Variants in SP110 observed in about 807,000 individuals in gnomAD.
SP110 encodes SP110 nuclear body protein.
Under a neutral mutation model 92.7 loss-of-function variants are expected in SP110, and 62 were observed. That is an observed-to-expected ratio of 0.67 (90% CI 0.55 to 0.83). The LOEUF is 0.83. Ranked by LOEUF, SP110 falls within the 40% of genes least tolerant of loss-of-function variation. The probability of loss-of-function intolerance (pLI) is 0.00; values close to 1 mark genes in which losing one functional copy is unlikely to be tolerated. For missense variants in SP110, 793 were observed against 863.9 expected (o/e 0.92, Z 1.03); for synonymous variants, 273 against 305.3 (o/e 0.89, Z 1.10).
At position 230,190,388 on chromosome 2, in the gene SP110, T is replaced by C. The variant is rs568333668; in HGVS notation, c.1130-4245A>G. ...AGTGTCTGTTCATATCCTTTGCCCA[T>C]TTTTTGATGGAGTTGTTTGTTTTTT... is the stretch of plus-strand genomic sequence containing the variant. On this transcript the variant is annotated intron_variant, in intron 10 of 18. Coordinates refer to ENST00000258381, the MANE Select transcript of SP110 (RefSeq NM_080424.4). Among the ~76,000 whole-genome samples the C allele has an allele frequency of 1.7e-3, 261 of 152,158 alleles. 1 individual carries two copies. Among genetic ancestry groups the C allele is most frequent in the Non-Finnish European group, 2.8e-3 (187 of 67,956 alleles).
intron 18 of SP110, among the ~76,000 whole-genome samples, 155 bp from the exon 19 acceptor site, chr2:230,169,392 T>C (rs956959079): frequency 6.6e-6 from 1 of 152,202 alleles, no homozygotes; most frequent in Non-Finnish European, 1.5e-5. Context: ...CACTGCAGCC[T>C]TGAATTCCTG....
intron 10 of SP110, among the ~76,000 whole-genome samples, chr2:230,193,687 A>G (rs2042738357): frequency 6.6e-6 from 1 of 152,194 alleles, no homozygotes; most frequent in African/African-American, 2.4e-5. Flanking sequence ...TAAGACTCCA[A>G]TCCCTTCCAG....
chr2:230,195,129 C>A (rs1232462933), intron 10 of SP110, among the ~76,000 whole-genome samples: 2 of 151,922 alleles, frequency 1.3e-5, no homozygotes, highest in Admixed American at 6.6e-5. Context: ...AAACCCACAT[C>A]TTTTATGGCT....
chr2:230,173,062 A>G (rs1029099721), intron 14 of SP110, 103 bp from the exon 15 acceptor site: 6 of 796,506 alleles, frequency 7.5e-6, no homozygotes, highest in Non-Finnish European at 8.7e-6. Flanking sequence ...GCCAGAGTGG[A>G]TATCCAAACC....
rs201134486 is a variant in SP110 at position 230,200,747 on chromosome 2, G to GA, written c.1129+137dup. 599 of 707,634 alleles carry GA rather than the reference G, an allele frequency of 8.5e-4. 5 individuals are homozygous for GA. In the East Asian group the frequency reaches 9.9e-3, roughly 12 times the overall value. 43.8% of individuals were successfully genotyped at this position (707,634 alleles called of 1,614,324 possible). On this transcript the variant is annotated intron_variant, in intron 10 of 18. Transcript: ENST00000258381. ...ATATCATGGGAAGGGTCTTGATTAA[G>GA]AAAAAAAAATCCAGAAGGGCTCTCT... is the stretch of plus-strand genomic sequence containing the variant.
chr2:230,194,348 C>T lies in SP110; in HGVS notation c.1129+6537G>A, dbSNP rs547946490. Among the ~76,000 whole-genome samples the T allele has an allele frequency of 1.5e-3, 226 of 151,854 alleles. 1 individual carries two copies. Among genetic ancestry groups the T allele is most frequent in the Non-Finnish European group, 2.5e-3 (170 of 67,952 alleles). ...AGGTGCAGGGGCTCACACCTGTATC[C>T]GAGAACTTTGGGAGGCTAGGGCAAG... On this transcript the variant is annotated intron_variant, in intron 10 of 18. Coordinates refer to ENST00000258381, the MANE Select transcript of SP110 (RefSeq NM_080424.4).
intron 18 of SP110, 93 bp from the exon 19 acceptor site, chr2:230,169,330 T>G (rs528503751): frequency 3.7e-6 from 3 of 800,308 alleles, no homozygotes; most frequent in South Asian, 1.4e-5. Flanking sequence ...TGTTTTTGAG[T>G]CAGGGTCTTT....
chr2:230,212,300 T>C, intron 5 of SP110, 47 bp downstream of exon 5: 1 of 1,412,136 alleles, frequency 7.1e-7, no homozygotes, highest in Non-Finnish European at 1.0e-6. Context: ...ATGTTCTCCC[T>C]TCACAGTCAC....
At chr2:230,184,951 C>T (rs976132579) in intron 11 of SP110, among the ~76,000 whole-genome samples, 16 of 152,194 alleles carry the variant, frequency 1.1e-4, no homozygotes, top group Admixed American at 6.5e-5. Flanking sequence ...AATACAGCCA[C>T]GCCCATTTGT....
intron 14 of SP110, 119 bp downstream of exon 14, chr2:230,177,419 A>G: frequency 9.1e-7 from 1 of 1,095,878 alleles, no homozygotes; most frequent in Non-Finnish European, 1.4e-6. Flanking sequence ...TGAACATTTA[A>G]CTCCTTATAA....
intron 7 of SP110, among the ~76,000 whole-genome samples, chr2:230,209,689 AT>A (rs541323499): frequency 6.6e-6 from 1 of 152,140 alleles, no homozygotes; most frequent in Non-Finnish European, 1.5e-5. Context: ...TAGGAGATTG[AT>A]TTTTTCAGAA....
At chr2:230,218,537 C>T (rs917978309) in intron 1 of SP110, among the ~76,000 whole-genome samples, 2 of 152,130 alleles carry the variant, frequency 1.3e-5, no homozygotes, top group Non-Finnish European at 2.9e-5. Flanking sequence ...TAAACATATA[C>T]TAAGAAGAGG....
At chr2:230,179,337 T>C (rs59080561) in intron 12 of SP110, among the ~76,000 whole-genome samples, 1 of 151,570 alleles carries the variant, frequency 6.6e-6, no homozygotes, top group South Asian at 2.1e-4. Context: ...TGGAGGGTAG[T>C]GGGGGTGTGG....
intron 2 of SP110, 88 bp from the exon 3 acceptor site, chr2:230,215,206 C>G: frequency 2.0e-6 from 2 of 1,020,640 alleles, no homozygotes; most frequent in South Asian, 1.4e-5. Flanking sequence ...TTTAAGAAAG[C>G]TACCTTACTC....
chr2:230,201,087 C>T, intron 9 of SP110, 122 bp from the exon 10 acceptor site: 2 of 782,092 alleles, frequency 2.6e-6, no homozygotes, highest in Non-Finnish European at 4.6e-6. Context: ...TCTTACCCTC[C>T]TAACAATGCA....
chr2:230,215,791 G>A (rs1313578694), intron 2 of SP110, among the ~76,000 whole-genome samples: 1 of 152,244 alleles, frequency 6.6e-6, no homozygotes, highest in African/African-American at 2.4e-5. Flanking sequence ...AAGTGGAGAA[G>A]ATGAGCATTA....
At chr2:230,213,678 T>C (rs1277124108) in intron 3 of SP110, 1 of 152,364 alleles carries the variant, frequency 6.6e-6, no homozygotes, top group Non-Finnish European at 1.5e-5. Context: ...AACCAGTGAA[T>C]GGAAAAAGGA....
intron 12 of SP110, among the ~76,000 whole-genome samples, chr2:230,180,488 A>C (rs2042082368): frequency 1.3e-5 from 2 of 152,190 alleles, no homozygotes; most frequent in African/African-American, 4.8e-5. Context: ...CAGTAAGAGC[A>C]GCAGATGCAC....
chr2:230,198,531 C>A (rs192027071), intron 10 of SP110, among the ~76,000 whole-genome samples: 459 of 152,332 alleles, frequency 3.0e-3, no homozygotes, highest in Middle Eastern at 6.8e-3. Context: ...TTAAAGATTA[C>A]ATTTCCCAGC....
Sources: gnomAD v4.1 joint callset for allele counts (sites outside exome capture counted in the v4.1 genomes callset) on GRCh38, gnomAD v4.1.1 for gene constraint, MANE v1.5 for transcripts, NCBI Gene and HGNC (gene_info 2026-07-23, HGNC 2026-07-21) for gene names.